Variants in TENM2 observed in about 807,000 individuals in gnomAD.
TENM2 encodes the protein teneurin transmembrane protein 2.
TENM2 carries 52 observed loss-of-function variants against 245.2 expected under a neutral mutation model. The ratio of observed to expected loss-of-function variants is 0.21; its 90% confidence interval spans 0.17 to 0.27. The LOEUF (loss-of-function observed/expected upper bound fraction) is 0.27. TENM2 is among the 10% of genes least tolerant of loss of function. TENM2 has a pLI of 1.00. For synonymous variants in TENM2, 1,363 were observed against 1,438.9 expected, an observed-to-expected ratio of 0.95 and a Z score of 1.19; for missense variants, 3,046 against 3,666.8, an observed-to-expected ratio of 0.83 and a Z score of 4.37.
At chr5:168,005,419 T>TA (rs1784747125) in intron 5 of TENM2, among the ~76,000 whole-genome samples, 1 of 152,206 alleles carries the variant, frequency 6.6e-6, no homozygotes, top group African/African-American at 2.4e-5. Context: ...CCTTGCTAAT[T>TA]TTGCCCACGC....
chr5:167,590,826 G>A (rs1335134367), intron 2 of TENM2, among the ~76,000 whole-genome samples: 1 of 152,056 alleles, frequency 6.6e-6, no homozygotes, highest in African/African-American at 2.4e-5. Flanking sequence ...GTCTTAATCA[G>A]GCATTTCTTC....
chr5:168,168,681 CAAAAAAA>C (rs36016365), intron 13 of TENM2, among the ~76,000 whole-genome samples: 8 of 128,074 alleles, frequency 6.2e-5, no homozygotes, highest in Non-Finnish European at 1.2e-4. Context: ...GACCCTGTCT[CAAAAAAA>C]AAAAAAAAAA....
chr5:167,243,703 A>T, the TENM2 span, among the ~76,000 whole-genome samples: 1 of 152,020 alleles, frequency 6.6e-6, no homozygotes, highest in African/African-American at 2.4e-5. Flanking sequence ...AGATCTTGTG[A>T]TATTAATCAG....
intron 2 of TENM2, among the ~76,000 whole-genome samples, chr5:167,638,913 T>C (rs982184041): frequency 9.9e-5 from 15 of 152,220 alleles, no homozygotes; most frequent in Admixed American, 7.2e-4. Flanking sequence ...CTTGCTCACA[T>C]CACTGGCACT....
intron 9 of TENM2, among the ~76,000 whole-genome samples, chr5:168,099,055 A>T (rs1217866417): frequency 6.6e-6 from 1 of 152,086 alleles, no homozygotes. Context: ...AATTACAGGC[A>T]TGTGCCACCA....
At chr5:167,371,334 G>GTGT (rs1760413773) in intron 1 of TENM2, among the ~76,000 whole-genome samples, 1 of 128,966 alleles carries the variant, frequency 7.8e-6, no homozygotes, top group South Asian at 2.6e-4. Context: ...ATGGCTCCCT[G>GTGT]TTTTTTTTTT....
chr5:167,778,296 A>G (rs1458649702), intron 2 of TENM2, among the ~76,000 whole-genome samples: 1 of 152,202 alleles, frequency 6.6e-6, no homozygotes, highest in Admixed American at 6.5e-5. Flanking sequence ...AAGTGTTCTG[A>G]AAGAAGAAAA....
At chr5:167,240,826 A>G in the TENM2 span, among the ~76,000 whole-genome samples, 1,933 of 152,136 alleles carry the variant, frequency 0.013, 42 homozygotes, top group African/African-American at 0.043. Flanking sequence ...GTCTTAAGAA[A>G]CCTTCTCCTC....
intron 2 of TENM2, among the ~76,000 whole-genome samples, chr5:167,716,316 A>T (rs1216448426): frequency 6.6e-6 from 1 of 152,194 alleles, no homozygotes; most frequent in African/African-American, 2.4e-5. Flanking sequence ...TGCCGACTTC[A>T]GCTTTCATCT....
At chr5:167,333,537 A>G (rs1438611739) in intron 1 of TENM2, among the ~76,000 whole-genome samples, 1 of 152,212 alleles carries the variant, frequency 6.6e-6, no homozygotes, top group African/African-American at 2.4e-5. Context: ...AAGTCATTAA[A>G]AGAAATTATA....
upstream of TENM2, among the ~76,000 whole-genome samples, chr5:167,280,799 T>TATC (rs1416085922): frequency 6.7e-6 from 1 of 149,916 alleles, no homozygotes; most frequent in Non-Finnish European, 1.5e-5. Context: ...TCTATCTATC[T>TATC]ATCTATCTGT....
intron 1 of TENM2, among the ~76,000 whole-genome samples, chr5:167,361,612 T>C (rs970762589): frequency 6.6e-6 from 1 of 152,238 alleles, no homozygotes; most frequent in Non-Finnish European, 1.5e-5. Flanking sequence ...TTCAGGAGAC[T>C]TTTTTCATCT....
At chr5:167,470,454 C>CTATTTTTTTTTTTTTT (rs1766939931) in intron 2 of TENM2, among the ~76,000 whole-genome samples, 1 of 47,394 alleles carries the variant, frequency 2.1e-5, no homozygotes, top group Non-Finnish European at 3.6e-5. Context: ...GCAATGCTTG[C>CTATTTTTTTTTTTTTT]TTTTTTTTTT....
rs368633411 is a variant in TENM2 at position 167,411,463 on chromosome 5, G to A, written c.502+35990G>A. Among the ~76,000 whole-genome samples the A allele has an allele frequency of 1.7e-4, 26 of 152,018 alleles. No homozygotes were observed. The South Asian group carries it at 5.0e-3, about 29-fold the overall frequency. Reference sequence around the variant, plus strand: ...TAACTGAAAGAGATGGCGTATCATTGTTAGAAGAGAGACCAAGAAGTTGGT... The same window carrying A: ...TAACTGAAAGAGATGGCGTATCATTATTAGAAGAGAGACCAAGAAGTTGGT... On this transcript the variant is annotated intron_variant, in intron 2 of 28. Transcript: ENST00000518659.
chr5:167,596,403 G>T (rs1776213344), intron 2 of TENM2, among the ~76,000 whole-genome samples: 1 of 152,064 alleles, frequency 6.6e-6, no homozygotes, highest in South Asian at 2.1e-4. Context: ...CAAACCCTCA[G>T]TTCCAAGAAT....
chr5:167,539,874 C>A lies in TENM2; in HGVS notation c.502+164401C>A, dbSNP rs1051456552. ...AGGGGGAACTGGAATACAGCCCTAT[C>A]TTTCTAGACCCTATTCATTTCAGCT... On this transcript the variant is annotated intron_variant, in intron 2 of 28. Coordinates refer to ENST00000518659, the Ensembl canonical transcript of TENM2. 2.0e-5 allele frequency among the ~76,000 whole-genome samples: 3 copies of A among 152,092 alleles called. No individual in the cohort carries two copies. In the East Asian group the frequency reaches 5.8e-4, roughly 29 times the overall value.
At chr5:167,175,201 TA>T in the TENM2 span, among the ~76,000 whole-genome samples, 2 of 152,212 alleles carry the variant, frequency 1.3e-5, no homozygotes, top group African/African-American at 4.8e-5. Flanking sequence ...TTTGTCCTTT[TA>T]AAAAATTTTA....
chr5:167,698,672 G>GTT (rs1561683344), intron 2 of TENM2, among the ~76,000 whole-genome samples: 39 of 102,074 alleles, frequency 3.8e-4, no homozygotes, highest in Non-Finnish European at 6.7e-4. Flanking sequence ...GTTTTGTTTT[G>GTT]TTTTTTGTTT....
intron 5 of TENM2, among the ~76,000 whole-genome samples, chr5:168,035,720 G>T (rs1383987871): frequency 6.6e-6 from 1 of 152,144 alleles, no homozygotes; most frequent in African/African-American, 2.4e-5. Flanking sequence ...TTCTGGGGCT[G>T]CAGGAGAAGA....
Sources: gnomAD v4.1 joint callset for allele counts (sites outside exome capture counted in the v4.1 genomes callset) on GRCh38, gnomAD v4.1.1 for gene constraint, MANE v1.5 for transcripts, NCBI Gene and HGNC (gene_info 2026-07-23, HGNC 2026-07-21) for gene names.